Variants in PLEKHF2 observed in about 807,000 individuals in gnomAD.
The protein encoded by PLEKHF2 is pleckstrin homology domain-containing family F member 2.
In PLEKHF2, 4 loss-of-function variants were observed where a neutral mutation model predicts 14.7. That is an observed-to-expected ratio of 0.27 (90% CI 0.13 to 0.62). PLEKHF2 has a LOEUF of 0.62. PLEKHF2 is among the 20% of genes least tolerant of loss of function. The probability of loss-of-function intolerance (pLI) is 0.85; values close to 1 mark genes in which losing one functional copy is unlikely to be tolerated. For synonymous variants in PLEKHF2, 90 were observed against 103.5 expected (o/e 0.87, Z 0.79); for missense variants, 201 against 307.7 (o/e 0.65, Z 2.60).
rs1347394652 is a variant in PLEKHF2, at chr8:95,155,850, G to A, written c.*1056G>A. ...TTTGGCTAGACTTCATATCGTGGAAGTATTGTCTATTTCAGTGTGAAACTA... is the reference window on the plus strand; with the variant it reads ...TTTGGCTAGACTTCATATCGTGGAAATATTGTCTATTTCAGTGTGAAACTA... On this transcript the variant is annotated 3_prime_UTR_variant, in exon 2 of 2. Coordinates refer to ENST00000315367, the MANE Select transcript of PLEKHF2 (RefSeq NM_024613.4). 6.0e-6 allele frequency: 1 copy of A among 167,012 alleles called. No individual in the cohort carries two copies. 10.3% of individuals were successfully genotyped at this position (167,012 alleles called of 1,614,324 possible).
At chr8:95,153,840 G>T (rs566438719) in intron 1 of PLEKHF2, among the ~76,000 whole-genome samples, 191 bp from the exon 2 acceptor site, 3 of 152,128 alleles carry the variant, frequency 2.0e-5, no homozygotes, top group African/African-American at 7.2e-5. Flanking sequence ...ATAAATAAGT[G>T]TTTTTCATCA....
intron 1 of PLEKHF2, among the ~76,000 whole-genome samples, chr8:95,144,845 CAA>C (rs1274746350): frequency 1.9e-5 from 2 of 106,462 alleles, no homozygotes; most frequent in African/African-American, 7.3e-5. Context: ...GCCTAGGTGA[CAA>C]GAGCAAAACT....
rs1379191391 is a variant in PLEKHF2, at chr8:95,141,739, A to G, written c.-15+7709A>G. Among the ~76,000 whole-genome samples the G allele has an allele frequency of 2.1e-5, 3 of 143,678 alleles. 1 individual carries two copies. Among genetic ancestry groups the G allele is most frequent in the South Asian group, 4.4e-4 (2 of 4,588 alleles). 94.3% of individuals were successfully genotyped at this position (143,678 alleles called of 152,430 possible). A position where few individuals can be genotyped will look rare whatever the true frequency, so the allele number is the denominator to read the frequency against. ...TTTTTTTTGGTAGAGACGGGGTTTC[A>G]CTGTTGGCCAGGCTGGTATCGAACT... On this transcript the variant is annotated intron_variant, in intron 1 of 1. Coordinates refer to ENST00000315367, the MANE Select transcript of PLEKHF2 (RefSeq NM_024613.4).
intron 1 of PLEKHF2, among the ~76,000 whole-genome samples, chr8:95,146,097 AAATT>A (rs1810497397): frequency 6.6e-6 from 1 of 152,240 alleles, no homozygotes; most frequent in Non-Finnish European, 1.5e-5. Flanking sequence ...ATTTGATTAA[AAATT>A]AACTTGTAGA....
Position 95,156,076 on chromosome 8 carries a change from C to T in PLEKHF2, c.*1282C>T, listed in dbSNP as rs143361961. 15 of 167,052 alleles carry T rather than the reference C, an allele frequency of 9.0e-5. No individual in the cohort carries two copies. Among genetic ancestry groups the T allele is most frequent in the African/African-American group, 3.6e-4 (15 of 41,550 alleles). The allele number at this position is 167,052 out of a possible 1,614,324, so 10.3% of individuals were successfully genotyped here. On this transcript the variant is annotated 3_prime_UTR_variant, in exon 2 of 2. Transcript: ENST00000315367. The stretch of plus-strand genomic sequence containing the variant: ...TTATTTTGAGAAGTAATTGTTCACT[C>T]TTTACTTTTGAGGCAGCCATTAGGT...
chr8:95,150,991 A>G (rs532666559), intron 1 of PLEKHF2, among the ~76,000 whole-genome samples: 8 of 152,214 alleles, frequency 5.3e-5, no homozygotes, highest in African/African-American at 1.7e-4. Context: ...GTGAGGAGGA[A>G]ATACAGTAAT....
chr8:95,136,326 TTATA>T (rs60427448), intron 1 of PLEKHF2, among the ~76,000 whole-genome samples: 9,630 of 132,134 alleles, frequency 0.073, 366 homozygotes, highest in African/African-American at 0.14. Flanking sequence ...TTGGTTTTTA[TTATA>T]TATACACACA....
intron 1 of PLEKHF2, among the ~76,000 whole-genome samples, chr8:95,138,353 T>TC (rs61519066): frequency 0.021 from 1,507 of 71,674 alleles, 31 homozygotes; most frequent in African/African-American, 0.047. Flanking sequence ...TTCTTCATCT[T>TC]CCCCCCCCCC....
In PLEKHF2 at chr8:95,156,309, G is replaced by C. The variant is rs1810618864; in HGVS notation, c.*1515G>C. 3.0e-5 allele frequency: 5 copies of C among 166,888 alleles called. No individual in the cohort carries two copies. The South Asian group carries it at 1.0e-3, about 35-fold the overall frequency. The allele number at this position is 166,888 out of a possible 1,614,324, so 10.3% of individuals were successfully genotyped here. A position where few individuals can be genotyped will look rare whatever the true frequency, so the allele number is the denominator to read the frequency against. On this transcript the variant is annotated 3_prime_UTR_variant, in exon 2 of 2. Coordinates refer to ENST00000315367, the MANE Select transcript of PLEKHF2 (RefSeq NM_024613.4). ...AGTAACTTGTGATGGAGGATTCTTTGGTATCTTACTGTTTGGTTAAGGCAC... is the reference window on the plus strand; with the variant it reads ...AGTAACTTGTGATGGAGGATTCTTTCGTATCTTACTGTTTGGTTAAGGCAC...
chr8:95,154,380 T>C lies in PLEKHF2; in HGVS notation c.336T>C (p.Tyr112=). Reference sequence around the variant, plus strand: ...CACCAACTAAATCTTTTGCAGTTTATGCTGCCACTGCTACGGAGAAATCAG... The same window carrying C: ...CACCAACTAAATCTTTTGCAGTTTACGCTGCCACTGCTACGGAGAAATCAG... ...IKTPTKSFAV[Y]AATATEKSEW... Residue 112 remains tyrosine, a synonymous_variant, in exon 2 of 2, where the codon TAT becomes TAC. Coordinates refer to ENST00000315367, the MANE Select transcript of PLEKHF2 (RefSeq NM_024613.4). This position sits in a 1 kb window ranked among gnomAD's most constrained non-coding sequence, Gnocchi z 5.6. The C allele has an allele frequency of 6.2e-7, 1 of 1,614,124 alleles. No homozygotes were observed. The highest frequency in any genetic ancestry group is 1.7e-5 in the Admixed American group (1 of 60,012).
chr8:95,155,243 G>C lies in PLEKHF2; in HGVS notation c.*449G>C, dbSNP rs1157514307. 5.6e-6 allele frequency: 1 copy of C among 177,320 alleles called. No homozygotes were observed. Among genetic ancestry groups the C allele is most frequent in the East Asian group, 1.7e-4 (1 of 5,782 alleles). The allele number at this position is 177,320 out of a possible 1,614,324, so 11.0% of individuals were successfully genotyped here. On this transcript the variant is annotated 3_prime_UTR_variant, in exon 2 of 2. Transcript: ENST00000315367. ...TAAGACACCAGTAACAAAAACACAT[G>C]ATTTGGAAATACTTTGGCTTTTTCA...
chr8:95,138,063 T>C (rs912150794), intron 1 of PLEKHF2, among the ~76,000 whole-genome samples: 4 of 152,172 alleles, frequency 2.6e-5, no homozygotes, highest in Admixed American at 6.5e-5. Flanking sequence ...TGACCTTTGC[T>C]GGGTGTAACT....
intron 1 of PLEKHF2, among the ~76,000 whole-genome samples, chr8:95,140,106 G>A (rs1810424957): frequency 6.6e-6 from 1 of 152,140 alleles, no homozygotes; most frequent in Admixed American, 6.5e-5. Flanking sequence ...TCCCGCAGAT[G>A]TGTTTGTCTT....
intron 1 of PLEKHF2, among the ~76,000 whole-genome samples, chr8:95,147,173 TTTTA>T (rs1165702533): frequency 6.6e-6 from 1 of 152,100 alleles, no homozygotes; most frequent in Non-Finnish European, 1.5e-5. Context: ...GATTTTATTC[TTTTA>T]TTTATTTATT....
chr8:95,153,821 G>T (rs76524558), intron 1 of PLEKHF2, among the ~76,000 whole-genome samples: 11,629 of 152,146 alleles, frequency 0.076, 587 homozygotes, highest in African/African-American at 0.13. Context: ...ATGGTGCTAC[G>T]TGGAGATGAT....
intron 1 of PLEKHF2, among the ~76,000 whole-genome samples, chr8:95,136,469 A>G (rs1810378030): frequency 6.6e-6 from 1 of 152,194 alleles, no homozygotes; most frequent in Admixed American, 6.5e-5. Context: ...ATTTCTAAGT[A>G]GATAATGGAT....
Position 95,154,009 on chromosome 8 carries a change from T to A in PLEKHF2, c.-14-22T>A. ...GAATTTATAATTTATATGTGCTAAT[T>A]TCTTTTTCTTTTTTTTAAAAGGCTA... On this transcript the variant is annotated intron_variant, in intron 1 of 1. Coordinates refer to ENST00000315367, the MANE Select transcript of PLEKHF2 (RefSeq NM_024613.4). This position sits in a 1 kb window ranked among gnomAD's most constrained non-coding sequence, Gnocchi z 5.6. 6.8e-7 allele frequency: 1 copy of A among 1,472,736 alleles called. No individual in the cohort carries two copies. The highest frequency in any genetic ancestry group is 9.0e-7 in the Non-Finnish European group (1 of 1,105,366). The allele number at this position is 1,472,736 out of a possible 1,614,324, so 91.2% of individuals were successfully genotyped here. A position where few individuals can be genotyped will look rare whatever the true frequency, so the allele number is the denominator to read the frequency against.
chr8:95,151,388 T>G (rs1330454880), intron 1 of PLEKHF2, among the ~76,000 whole-genome samples: 2 of 151,962 alleles, frequency 1.3e-5, no homozygotes, highest in African/African-American at 4.8e-5. Flanking sequence ...TGCCAATGTC[T>G]TTTCCTGTTT....
At position 95,154,942 on chromosome 8, in the gene PLEKHF2, A is replaced by T; in HGVS notation, c.*148A>T. The T allele has an allele frequency of 1.1e-6, 1 of 926,872 alleles. No homozygotes were observed. The highest frequency in any genetic ancestry group is 1.6e-6 in the Non-Finnish European group (1 of 619,580). 57.4% of individuals were successfully genotyped at this position (926,872 alleles called of 1,614,324 possible). On this transcript the variant is annotated 3_prime_UTR_variant, in exon 2 of 2. Transcript: ENST00000315367. The surrounding 1 kb of genome is among the most constrained non-coding windows in gnomAD (Gnocchi z 5.6). ...ACCTATGTGCCTCAATATATTCCAT[A>T]GAAAGTAGGTCCCCCTGCCTTCTCC...
Sources: allele counts gnomAD v4.1 joint callset (sites outside exome capture counted in the v4.1 genomes callset), GRCh38; gene constraint gnomAD v4.1.1; non-coding constraint Gnocchi (gnomAD v3.1); transcripts MANE v1.5; gene names NCBI Gene and HGNC (gene_info 2026-07-23, HGNC 2026-07-21).